The following LPP variants were observed in gnomAD, a reference collection of about 807,000 sequenced individuals.
LPP encodes lipoma-preferred partner.
In LPP, 38 loss-of-function variants were observed where a neutral mutation model predicts 60.4. That is an observed-to-expected ratio of 0.63 (90% CI 0.49 to 0.83). The LOEUF (loss-of-function observed/expected upper bound fraction) is 0.83, where lower values mean the gene tolerates loss of function less well. LPP is among the 40% of genes least tolerant of loss of function. LPP has a pLI of 0.00. For synonymous variants in LPP, 328 were observed against 290.8 expected, an observed-to-expected ratio of 1.13 and a Z score of -1.30; for missense variants, 902 against 783.6, an observed-to-expected ratio of 1.15 and a Z score of -1.80.
chr3:188,179,675 G>A, intron 1 of LPP: 1 of 360,958 alleles, frequency 2.8e-6, no homozygotes, highest in Non-Finnish European at 5.5e-6. Context: ...CCTCTCTGCA[G>A]TCTCTTGTCT....
intron 7 of LPP, among the ~76,000 whole-genome samples, chr3:188,630,097 T>C (rs140087324): frequency 2.0e-5 from 3 of 152,060 alleles, no homozygotes; most frequent in African/African-American, 4.8e-5. Context: ...CCGAAAGCAA[T>C]TGCAACAAAA....
chr3:188,451,157 G>A (rs1029420683), intron 4 of LPP, among the ~76,000 whole-genome samples: 3 of 152,036 alleles, frequency 2.0e-5, no homozygotes, highest in East Asian at 3.9e-4. Context: ...ACGGGGTATT[G>A]CATGACTTTA....
rs1482457683 is a variant in LPP at position 188,495,071 on chromosome 3, T to TATATATATATATATATAC, written c.306+10379_306+10380insATATACATATATATATAT. On this transcript the variant is annotated intron_variant, in intron 5 of 11. Transcript: ENST00000617246. The stretch of plus-strand genomic sequence containing the variant: ...ATTATAAGGTTCAGGATTTTATATA[T>TATATATATATATATATAC]ATATATATATATTTTATTTATATTT... Among the ~76,000 whole-genome samples, 13 of 99,964 alleles carry TATATATATATATATATAC rather than the reference T, an allele frequency of 1.3e-4. 1 individual carries two copies. Among genetic ancestry groups the TATATATATATATATATAC allele is most frequent in the Non-Finnish European group, 2.0e-4 (11 of 56,264 alleles). 65.6% of individuals were successfully genotyped at this position (99,964 alleles called of 152,430 possible). A position where few individuals can be genotyped will look rare whatever the true frequency, so the allele number is the denominator to read the frequency against.
At chr3:188,283,455 G>A (rs1056072851) in intron 2 of LPP, among the ~76,000 whole-genome samples, 2 of 152,178 alleles carry the variant, frequency 1.3e-5, no homozygotes, top group African/African-American at 4.8e-5. Context: ...CTGCTCACAT[G>A]ATGTGCTTGA....
At chr3:188,800,246 C>CTT (rs33982362) in intron 9 of LPP, among the ~76,000 whole-genome samples, 47,779 of 96,748 alleles carry the variant, frequency 0.49, 13,343 homozygotes, top group East Asian at 0.89. Context: ...TTGAAGCTTT[C>CTT]TTTTTTTTTT....
intron 4 of LPP, among the ~76,000 whole-genome samples, chr3:188,432,462 A>C (rs929053033): frequency 6.6e-6 from 1 of 152,198 alleles, no homozygotes; most frequent in Non-Finnish European, 1.5e-5. Flanking sequence ...AGCTGAAGGC[A>C]CGAAGTTCTA....
At chr3:188,406,967 C>T (rs912497278) in intron 4 of LPP, among the ~76,000 whole-genome samples, 3 of 151,962 alleles carry the variant, frequency 2.0e-5, no homozygotes, top group East Asian at 3.9e-4. Context: ...CACTCACACA[C>T]GAAGCCTCAG....
intron 4 of LPP, among the ~76,000 whole-genome samples, chr3:188,426,909 TG>T (rs1312939385): frequency 6.6e-6 from 1 of 152,256 alleles, no homozygotes; most frequent in African/African-American, 2.4e-5. Flanking sequence ...TTATCCAGTT[TG>T]CCAGTCTGTG....
chr3:188,872,709 T>A lies in LPP; in HGVS notation c.1656T>A (p.Thr552=). The part of the protein sequence containing the change: ...PIMPAPGQEE[T]VRIVALDRDF... ...TGCCAGCCCCGGGCCAGGAGGAGAC[T>A]GTCCGTATTGTGGCTTTGGATCGAG... Residue 552 remains threonine, a synonymous_variant, in exon 11 of 12, where the codon ACT becomes ACA. Transcript: ENST00000617246. 6.2e-7 allele frequency: 1 copy of A among 1,614,216 alleles called. No individual in the cohort carries two copies. Among genetic ancestry groups the A allele is most frequent in the Non-Finnish European group, 8.5e-7 (1 of 1,180,036 alleles).
At chr3:188,717,070 A>C (rs1714312699) in intron 8 of LPP, among the ~76,000 whole-genome samples, 1 of 152,228 alleles carries the variant, frequency 6.6e-6, no homozygotes, top group African/African-American at 2.4e-5. Flanking sequence ...AAGAAATGAA[A>C]GATTTCAGTG....
At chr3:188,606,098 G>A (rs1363241294) in intron 6 of LPP, among the ~76,000 whole-genome samples, 4 of 152,106 alleles carry the variant, frequency 2.6e-5, no homozygotes, top group Admixed American at 6.6e-5. Flanking sequence ...GTGAAGTTCC[G>A]AGCTGACTGT....
At chr3:188,309,905 A>G (rs1578013452) in intron 2 of LPP, among the ~76,000 whole-genome samples, 2 of 152,300 alleles carry the variant, frequency 1.3e-5, no homozygotes, top group Admixed American at 1.3e-4. Context: ...TGAAATGTGA[A>G]ACTTCTTGCA....
intron 6 of LPP, among the ~76,000 whole-genome samples, chr3:188,535,600 AT>A (rs1464619976): frequency 6.6e-6 from 1 of 152,190 alleles, no homozygotes; most frequent in African/African-American, 2.4e-5. Context: ...ATTAAGAAAA[AT>A]AAGTGTGGCC....
chr3:188,543,603 T>C (rs1365900410), intron 6 of LPP, among the ~76,000 whole-genome samples: 2 of 152,222 alleles, frequency 1.3e-5, no homozygotes, highest in Non-Finnish European at 2.9e-5. Context: ...GGCTGGAGTC[T>C]ATCCTCAGTT....
chr3:188,773,611 A>C (rs1226990310), intron 9 of LPP, among the ~76,000 whole-genome samples: 2 of 152,224 alleles, frequency 1.3e-5, no homozygotes, highest in Non-Finnish European at 2.9e-5. Context: ...ATAATGTTAA[A>C]AGATATTTGA....
intron 7 of LPP, among the ~76,000 whole-genome samples, chr3:188,677,051 G>A (rs750743793): frequency 4.6e-5 from 7 of 152,070 alleles, no homozygotes; most frequent in African/African-American, 7.2e-5. Flanking sequence ...GCAAGGAACC[G>A]ACTGTTGACG....
chr3:188,359,848 C>T (rs537148129), intron 3 of LPP, among the ~76,000 whole-genome samples: 10 of 152,208 alleles, frequency 6.6e-5, no homozygotes, highest in South Asian at 2.1e-4. Flanking sequence ...TATTGCATGA[C>T]GATACTCTTG....
chr3:188,653,687 C>G (rs1852543574), intron 7 of LPP, among the ~76,000 whole-genome samples: 1 of 152,202 alleles, frequency 6.6e-6, no homozygotes, highest in Non-Finnish European at 1.5e-5. Flanking sequence ...TGTAACCAAT[C>G]AACATCACAT....
At chr3:188,538,392 T>C (rs1033577107) in intron 6 of LPP, among the ~76,000 whole-genome samples, 1 of 152,206 alleles carries the variant, frequency 6.6e-6, no homozygotes, top group African/African-American at 2.4e-5. Context: ...AGTATCTGAA[T>C]AGACATTTCC....
Sources: gnomAD v4.1 joint callset for allele counts (sites outside exome capture counted in the v4.1 genomes callset) on GRCh38, gnomAD v4.1.1 for gene constraint, MANE v1.5 for transcripts, NCBI Gene and HGNC (gene_info 2026-07-23, HGNC 2026-07-21) for gene names.